The following KCTD1 variants were observed in gnomAD, a reference collection of about 807,000 sequenced individuals.
KCTD1 encodes potassium channel tetramerization domain containing 1.
A neutral mutation model predicts 66.0 loss-of-function variants in KCTD1; 24 were observed. The ratio of observed to expected loss-of-function variants is 0.36; its 90% CI spans 0.26 to 0.51. The LOEUF (loss-of-function observed/expected upper bound fraction) is 0.51. Ranked by LOEUF, KCTD1 falls within the 20% of genes least tolerant of loss-of-function variation. The probability of loss-of-function intolerance (pLI) is 0.95; values close to 1 mark genes in which losing one functional copy is unlikely to be tolerated. For synonymous variants in KCTD1, 511 were observed against 517.2 expected, an observed-to-expected ratio of 0.99 and a Z score of 0.16; for missense variants, 943 against 1,205.2, an observed-to-expected ratio of 0.78 and a Z score of 3.22.
Position 26,548,458 on chromosome 18 carries a change from TCTC to T in KCTD1, c.76_78del (p.Glu26del). 1 of 1,275,572 alleles carries T rather than the reference TCTC, an allele frequency of 7.8e-7. No individual in the cohort carries two copies. The highest frequency in any genetic ancestry group is 9.8e-7 in the Non-Finnish European group (1 of 1,019,174). 79.0% of individuals were successfully genotyped at this position (1,275,572 alleles called of 1,614,324 possible). On this transcript the variant is annotated inframe_deletion, in exon 1 of 5. Coordinates refer to ENST00000580059, the MANE Select transcript of KCTD1 (RefSeq NM_001142730.3). ...TCGCCCTCGCCCCGCTCCCCATTGTTCTCGGCGGCGGCGGCGGCAGCGCTGGCG... is the reference window on the plus strand; with the variant it reads ...TCGCCCTCGCCCCGCTCCCCATTGTTGGCGGCGGCGGCGGCAGCGCTGGCG...
At chr18:26,646,676 A>C (rs1374451859) in intron 1 of KCTD1, among the ~76,000 whole-genome samples, 1 of 152,266 alleles carries the variant, frequency 6.6e-6, no homozygotes, top group Non-Finnish European at 1.5e-5. Flanking sequence ...ATCTCAGCCT[A>C]AAATCTAAAA....
chr18:26,546,225 T>TAA (rs4059262), intron 1 of KCTD1, among the ~76,000 whole-genome samples: 11,315 of 142,024 alleles, frequency 0.08, 486 homozygotes, highest in Admixed American at 0.1. Context: ...CCCTTTTCTT[T>TAA]AAAAAAAAAA....
At chr18:26,488,156 A>G (rs1982010647) in intron 2 of KCTD1, among the ~76,000 whole-genome samples, 1 of 152,188 alleles carries the variant, frequency 6.6e-6, no homozygotes, top group Non-Finnish European at 1.5e-5. Flanking sequence ...ATCGTTATAG[A>G]CATCAAGCTA....
intron 2 of KCTD1, among the ~76,000 whole-genome samples, chr18:26,484,145 A>G (rs1309706390): frequency 2.6e-5 from 4 of 152,360 alleles, no homozygotes; most frequent in Middle Eastern, 3.4e-3. Flanking sequence ...ACTGTTAAAA[A>G]TTCTAGGACT....
chr18:26,628,407 T>C (rs1412910606), intron 1 of KCTD1, among the ~76,000 whole-genome samples: 1 of 152,176 alleles, frequency 6.6e-6, no homozygotes, highest in Non-Finnish European at 1.5e-5. Flanking sequence ...ACCATTTCCA[T>C]GCAAGTTTCT....
chr18:26,510,529 C>T (rs753501379), intron 1 of KCTD1, among the ~76,000 whole-genome samples: 1 of 152,162 alleles, frequency 6.6e-6, no homozygotes, highest in Non-Finnish European at 1.5e-5. Context: ...GTCTGTCTGC[C>T]AGATACAGAG....
intron 1 of KCTD1, among the ~76,000 whole-genome samples, chr18:26,514,885 G>C (rs1351637315): frequency 6.6e-6 from 1 of 152,224 alleles, no homozygotes. Context: ...GAGGATAGTG[G>C]TTGATGAAAC....
At chr18:26,549,879 C>T (rs1985482347), upstream of KCTD1, 3 of 889,442 alleles carry the variant, frequency 3.4e-6, no homozygotes, top group South Asian at 1.6e-4. Context: ...CAGCCAAACG[C>T]CCGCCCCCGG....
upstream of KCTD1, chr18:26,549,578 A>G: frequency 1.3e-6 from 1 of 754,498 alleles, no homozygotes; most frequent in Non-Finnish European, 1.6e-6. Context: ...CCCTGAGCAA[A>G]GTGACACAAC....
chr18:26,459,130 T>A (rs1204108449), intron 4 of KCTD1: 1 of 153,684 alleles, frequency 6.5e-6, no homozygotes, highest in Non-Finnish European at 1.4e-5. Context: ...CTGGCTTTCC[T>A]GATAGTCCTC....
At chr18:26,512,033 T>A (rs1305616164) in intron 1 of KCTD1, among the ~76,000 whole-genome samples, 1 of 152,230 alleles carries the variant, frequency 6.6e-6, no homozygotes, top group African/African-American at 2.4e-5. Context: ...TCATTGAAAT[T>A]CCTCATTCAG....
intron 2 of KCTD1, among the ~76,000 whole-genome samples, chr18:26,484,698 TG>T (rs879875913): frequency 2.0e-5 from 3 of 152,214 alleles, no homozygotes; most frequent in Non-Finnish European, 4.4e-5. Context: ...CTGTGCTCTT[TG>T]GGGCCTTAAA....
intron 2 of KCTD1, among the ~76,000 whole-genome samples, chr18:26,492,404 A>G (rs1336364109): frequency 6.6e-6 from 1 of 151,860 alleles, no homozygotes; most frequent in Non-Finnish European, 1.5e-5. Context: ...GAGGCTAAGG[A>G]GGGTGGATCA....
chr18:26,650,889 G>A (rs541306224), intron 1 of KCTD1, among the ~76,000 whole-genome samples: 11 of 152,340 alleles, frequency 7.2e-5, no homozygotes, highest in East Asian at 5.8e-4. Flanking sequence ...AATCTATCTC[G>A]TTAACATTCT....
chr18:26,548,038 G>C lies in KCTD1; in HGVS notation c.499C>G (p.Arg167Gly), dbSNP rs1342011330. The change falls in exon 1 of 5, where the codon CGG becomes GGG. Residue 167 changes from arginine to glycine, a missense_variant. By Grantham distance (125) the Arg-to-Gly change is moderately radical. Transcript: ENST00000580059. The stretch of plus-strand genomic sequence containing the variant: ...GCCAGCCGGGTGTTCTCGCTCAGCC[G>C]GGCCCGCTCGGGGCGCTGCAGCACG... ...PDVLQRPERA[R>G]LSENTRLATR... The C allele has an allele frequency of 3.3e-6, 5 of 1,512,938 alleles. No individual in the cohort carries two copies. The South Asian group carries it at 5.0e-5, about 15-fold the overall frequency. The allele number at this position is 1,512,938 out of a possible 1,614,324, so 93.7% of individuals were successfully genotyped here. A position where few individuals can be genotyped will look rare whatever the true frequency, so the allele number is the denominator to read the frequency against.
At chr18:26,656,857 C>T (rs1374776059) in intron 1 of KCTD1, among the ~76,000 whole-genome samples, 1 of 140,384 alleles carries the variant, frequency 7.1e-6, no homozygotes, top group African/African-American at 2.6e-5. Context: ...CGGAGCTTTG[C>T]GCCGGGGAAG....
chr18:26,646,350 G>A (rs564001730), intron 1 of KCTD1, among the ~76,000 whole-genome samples: 77 of 152,172 alleles, frequency 5.1e-4, no homozygotes, highest in African/African-American at 1.6e-3. Flanking sequence ...ATCCTTTGAC[G>A]GAGGCACCAA....
chr18:26,510,541 G>A (rs1409413997), intron 1 of KCTD1, among the ~76,000 whole-genome samples: 1 of 152,160 alleles, frequency 6.6e-6, no homozygotes, highest in Non-Finnish European at 1.5e-5. Context: ...GATACAGAGT[G>A]AGTGTCCTCA....
At chr18:26,463,472 A>T (rs1284683552) in intron 3 of KCTD1, among the ~76,000 whole-genome samples, 1 of 152,106 alleles carries the variant, frequency 6.6e-6, no homozygotes. Flanking sequence ...CCCCATATAC[A>T]TTTAAAGGGA....
Sources: gnomAD v4.1 joint callset for allele counts (sites outside exome capture counted in the v4.1 genomes callset) on GRCh38, gnomAD v4.1.1 for gene constraint, MANE v1.5 for transcripts, NCBI Gene and HGNC (gene_info 2026-07-23, HGNC 2026-07-21) for gene names.